The following SUDS3 variants were observed in gnomAD, a reference collection of about 807,000 sequenced individuals.
SUDS3 encodes SIN3A corepressor complex component SDS3.
SUDS3 carries 23 observed loss-of-function variants against 53.5 expected under a neutral mutation model. That is an observed-to-expected ratio of 0.43 (90% confidence interval 0.31 to 0.61). The LOEUF is 0.61. Ranked by LOEUF, SUDS3 falls within the 20% of genes least tolerant of loss-of-function variation. The pLI, the probability that SUDS3 is intolerant of heterozygous loss-of-function variation, is 0.10. For missense variants in SUDS3, 291 were observed against 405.9 expected (o/e 0.72, Z 2.43); for synonymous variants, 150 against 148.5 (o/e 1.01, Z -0.08).
chr12:118,384,037 C>T lies in SUDS3; in HGVS notation c.238C>T (p.Leu80Phe). The T allele has an allele frequency of 6.2e-7, 1 of 1,613,252 alleles. No homozygotes were observed. Among genetic ancestry groups the T allele is most frequent in the East Asian group, 2.2e-5 (1 of 44,864 alleles). The change falls in exon 3 of 12, where the codon CTC (leucine) becomes TTC (phenylalanine). Residue 80 changes from leucine to phenylalanine, a missense_variant. Coordinates refer to ENST00000543473, the MANE Select transcript of SUDS3 (RefSeq NM_022491.3). ...EQMYQDKLAS[L>F]KRQLQQLQEG... ...GATGTATCAGGACAAACTGGCTTCT[C>T]TCAAGAGGCAGTTGCAACAACTGCA... is the stretch of plus-strand genomic sequence containing the variant.
chr12:118,393,198 A>G (rs1384044186), intron 6 of SUDS3, among the ~76,000 whole-genome samples: 1 of 152,162 alleles, frequency 6.6e-6, no homozygotes, highest in Non-Finnish European at 1.5e-5. Flanking sequence ...TAAAGGCTTG[A>G]TTTCATTCCT....
intron 6 of SUDS3, among the ~76,000 whole-genome samples, chr12:118,394,223 G>A (rs916721556): frequency 6.6e-6 from 1 of 152,206 alleles, no homozygotes; most frequent in South Asian, 2.1e-4. Flanking sequence ...ACCTACTGCA[G>A]AGGGTAGATG....
Position 118,376,835 on chromosome 12 carries a change from T to G in SUDS3, c.142+2T>G. On this transcript the variant is annotated splice_donor_variant, in intron 1 of 11. Coordinates refer to ENST00000543473, the MANE Select transcript of SUDS3 (RefSeq NM_022491.3). LOFTEE classifies it high-confidence loss of function. ...GTCGGGGCCGCGAGTCGGACGAAGG[T>G]GAGTCCTGCCGCTCGCCCGGCCGCC... 6.6e-7 allele frequency: 1 copy of G among 1,526,640 alleles called. No homozygotes were observed. The highest frequency in any genetic ancestry group is 8.7e-7 in the Non-Finnish European group (1 of 1,144,342). 94.6% of individuals were successfully genotyped at this position (1,526,640 alleles called of 1,614,324 possible). A position where few individuals can be genotyped will look rare whatever the true frequency, so the allele number is the denominator to read the frequency against.
intron 4 of SUDS3, among the ~76,000 whole-genome samples, chr12:118,386,855 A>G (rs1271596393): frequency 6.6e-6 from 1 of 152,218 alleles, no homozygotes; most frequent in Non-Finnish European, 1.5e-5. Context: ...AGATGTGACA[A>G]CTGTTTAAAG....
intron 4 of SUDS3, among the ~76,000 whole-genome samples, chr12:118,389,022 G>A (rs1026836006): frequency 1.3e-5 from 2 of 152,104 alleles, no homozygotes; most frequent in African/African-American, 2.4e-5. Context: ...GGTGGTTTGC[G>A]CCTTTAATCC....
Position 118,380,107 on chromosome 12 carries a change from C to T in SUDS3, c.143-55C>T, listed in dbSNP as rs79163346. 173 of 1,445,180 alleles carry T rather than the reference C, an allele frequency of 1.2e-4. 1 individual carries two copies. Among genetic ancestry groups the T allele is most frequent in the South Asian group, 2.5e-4 (21 of 82,480 alleles). The allele number at this position is 1,445,180 out of a possible 1,614,324, so 89.5% of individuals were successfully genotyped here. A position where few individuals can be genotyped will look rare whatever the true frequency, so the allele number is the denominator to read the frequency against. On this transcript the variant is annotated intron_variant, in intron 1 of 11. Transcript: ENST00000543473. ...TGAGTGCATACTCTGTGTCAGGTGA[C>T]GCCAACTCCGTGAATTATGATTTTA...
intron 9 of SUDS3, 70 bp downstream of exon 9, chr12:118,402,074 G>T (rs560477569): frequency 7.9e-5 from 124 of 1,563,400 alleles, no homozygotes; most frequent in Non-Finnish European, 1.1e-4. Context: ...GTGAATACCT[G>T]TCAGGAAATG....
chr12:118,385,126 C>T (rs1280305481), intron 3 of SUDS3, among the ~76,000 whole-genome samples: 3 of 143,810 alleles, frequency 2.1e-5, no homozygotes, highest in African/African-American at 2.6e-5. Flanking sequence ...TTTTTTTTTT[C>T]GAGGCTGAGT....
intron 4 of SUDS3, among the ~76,000 whole-genome samples, chr12:118,387,941 C>T (rs951007317): frequency 2.0e-5 from 3 of 152,234 alleles, no homozygotes; most frequent in South Asian, 2.1e-4. Context: ...TTAAAAAGCA[C>T]ATTCTTTTCA....
intron 1 of SUDS3, among the ~76,000 whole-genome samples, chr12:118,379,431 T>C (rs1235946674): frequency 2.0e-5 from 3 of 152,104 alleles, no homozygotes; most frequent in African/African-American, 4.8e-5. Context: ...AGTGAGACTG[T>C]GTCTCATTAA....
intron 6 of SUDS3, among the ~76,000 whole-genome samples, chr12:118,397,969 C>T (rs1306702817): frequency 6.6e-6 from 1 of 152,146 alleles, no homozygotes; most frequent in East Asian, 1.9e-4. Flanking sequence ...CTTTGGTGCT[C>T]TCTTGGGTTG....
At chr12:118,397,641 T>C (rs1483542079) in intron 6 of SUDS3, among the ~76,000 whole-genome samples, 1 of 152,186 alleles carries the variant, frequency 6.6e-6, no homozygotes, top group Non-Finnish European at 1.5e-5. Flanking sequence ...TTTTAGGGGC[T>C]TCTCCAGAGT....
At chr12:118,380,999 G>A (rs887130305) in intron 2 of SUDS3, among the ~76,000 whole-genome samples, 3 of 152,064 alleles carry the variant, frequency 2.0e-5, no homozygotes, top group African/African-American at 4.8e-5. Context: ...CACTGCGCCC[G>A]GACCTTTTTT....
At chr12:118,382,849 G>A (rs1169022571) in intron 2 of SUDS3, among the ~76,000 whole-genome samples, 2 of 144,910 alleles carry the variant, frequency 1.4e-5, no homozygotes, top group Non-Finnish European at 3.0e-5. Context: ...TTTTTTTTAA[G>A]TAGAGACAGG....
rs369494681 is a variant in SUDS3 at position 118,415,538 on chromosome 12, C to G, written c.*1105C>G. On this transcript the variant is annotated 3_prime_UTR_variant, in exon 12 of 12. Transcript: ENST00000543473. ...ATGAGTCCTGATGAAACAGCCTTTCCTACATCCTTCCCTCACTCCCATGAT... is the reference window on the plus strand; with the variant it reads ...ATGAGTCCTGATGAAACAGCCTTTCGTACATCCTTCCCTCACTCCCATGAT... 1 of 152,118 alleles carries G rather than the reference C, an allele frequency of 6.6e-6. No homozygotes were observed. The highest frequency in any genetic ancestry group is 2.4e-5 in the African/African-American group (1 of 41,414). The allele number at this position is 152,118 out of a possible 1,614,324, so 9.4% of individuals were successfully genotyped here.
intron 11 of SUDS3, among the ~76,000 whole-genome samples, chr12:118,414,113 T>C (rs2046380587): frequency 6.6e-6 from 1 of 152,182 alleles, no homozygotes; most frequent in African/African-American, 2.4e-5. Flanking sequence ...GAGAGATGGC[T>C]GAGAAACGAG....
chr12:118,377,814 GT>G, intron 1 of SUDS3, among the ~76,000 whole-genome samples: 1 of 152,332 alleles, frequency 6.6e-6, no homozygotes. Context: ...TAGACCAGCT[GT>G]TTGGAATGGG....
At chr12:118,401,578 G>A (rs555631752) in intron 7 of SUDS3, among the ~76,000 whole-genome samples, 181 bp from the exon 8 acceptor site, 18 of 152,304 alleles carry the variant, frequency 1.2e-4, no homozygotes, top group Non-Finnish European at 2.2e-4. Context: ...ATTCTTTTAT[G>A]TATTGAAGTA....
chr12:118,376,741 C>T lies in SUDS3; in HGVS notation c.50C>T (p.Pro17Leu). ...CCGGCCCCGGCCCAGGCTGGAGCGC[C>T]GCCGGCCCCCGAGTACTACCCCGAG... ...LAPAPAQAGA[P>L]PAPEYYPEED... Residue 17 changes from proline to leucine, a missense_variant, in exon 1 of 12, where the codon CCG (proline) becomes CTG (leucine). Pro to Leu is a moderately conservative substitution (Grantham distance 98). This residue lies in a region of SUDS3 where 149 missense variants were observed against 146.5 expected (regional missense o/e 1.02). Transcript: ENST00000543473. 1 of 1,536,878 alleles carries T rather than the reference C, an allele frequency of 6.5e-7. No individual in the cohort carries two copies. Among genetic ancestry groups the T allele is most frequent in the Non-Finnish European group, 8.7e-7 (1 of 1,146,922 alleles).
Sources: gnomAD v4.1 joint callset for allele counts (sites outside exome capture counted in the v4.1 genomes callset) on GRCh38, gnomAD v4.1.1 for gene constraint, gnomAD v4.1.1 regional missense constraint, MANE v1.5 for transcripts, NCBI Gene and HGNC (gene_info 2026-07-23, HGNC 2026-07-21) for gene names.